Variants in PIK3C3 observed in about 807,000 individuals in gnomAD.
PIK3C3 encodes the protein PI3-kinase type 3.
Under a neutral mutation model 126.1 loss-of-function variants are expected in PIK3C3, and 95 were observed. The observed-to-expected ratio is 0.75, with a 90% CI of 0.64 to 0.89. PIK3C3 has a LOEUF of 0.89. Ranked by LOEUF, PIK3C3 falls within the 40% of genes least tolerant of loss-of-function variation. PIK3C3 has a pLI of 0.00. For missense variants in PIK3C3, 829 were observed against 1,063.2 expected, an observed-to-expected ratio of 0.78 and a Z score of 3.06; for synonymous variants, 374 against 360.0, an observed-to-expected ratio of 1.04 and a Z score of -0.44.
intron 21 of PIK3C3, chr18:42,057,655 C>A: frequency 2.2e-6 from 1 of 456,636 alleles, no homozygotes. Flanking sequence ...ATTACTGTGA[C>A]ATGATTTTAG....
rs769506947 is a variant in PIK3C3, at chr18:41,962,479, A to G, written c.258-10A>G. The G allele has an allele frequency of 5.0e-6, 8 of 1,599,304 alleles. No homozygotes were observed. Among genetic ancestry groups the G allele is most frequent in the Non-Finnish European group, 6.8e-6 (8 of 1,172,544 alleles). ...TGTATTTCTGATTTATGTTAACTTCATTTCCATAGCTGGAATGAATGGCTG... is the reference window on the plus strand; with the variant it reads ...TGTATTTCTGATTTATGTTAACTTCGTTTCCATAGCTGGAATGAATGGCTG... On this transcript the variant is annotated splice_polypyrimidine_tract_variant and intron_variant, in intron 2 of 24. Coordinates refer to ENST00000262039, the MANE Select transcript of PIK3C3 (RefSeq NM_002647.4).
intron 4 of PIK3C3, among the ~76,000 whole-genome samples, chr18:41,981,976 C>T (rs1787172): frequency 1.3e-5 from 2 of 151,282 alleles, no homozygotes; most frequent in Non-Finnish European, 1.5e-5. Context: ...AGAGTGAGAC[C>T]CTGTCTCAAA....
intron 24 of PIK3C3, among the ~76,000 whole-genome samples, chr18:42,073,341 C>T (rs1985855014): frequency 6.6e-6 from 1 of 152,144 alleles, no homozygotes; most frequent in Non-Finnish European, 1.5e-5. Flanking sequence ...GGGAATTCAA[C>T]TGTGATATAT....
intron 22 of PIK3C3, among the ~76,000 whole-genome samples, chr18:42,063,343 A>G (rs1223723664): frequency 6.6e-6 from 1 of 152,230 alleles, no homozygotes; most frequent in Non-Finnish European, 1.5e-5. Context: ...AGTGCCTACA[A>G]CAGTGGATAT....
At chr18:41,989,979 A>G (rs188319203) in intron 5 of PIK3C3, among the ~76,000 whole-genome samples, 23 of 152,280 alleles carry the variant, frequency 1.5e-4, no homozygotes, top group African/African-American at 5.3e-4. Flanking sequence ...TAAAGGCTAT[A>G]CTTGGTAAAC....
At chr18:42,012,527 A>T (rs986759132) in intron 10 of PIK3C3, among the ~76,000 whole-genome samples, 7 of 152,178 alleles carry the variant, frequency 4.6e-5, no homozygotes, top group Non-Finnish European at 8.8e-5. Context: ...ACATTTAAAA[A>T]TTTTTTGAGC....
intron 1 of PIK3C3, 65 bp from the exon 2 acceptor site, chr18:41,957,505 C>G: frequency 6.7e-7 from 1 of 1,482,878 alleles, no homozygotes; most frequent in Admixed American, 2.1e-5. Flanking sequence ...ATGCTTAGTA[C>G]TTATGTATAT....
At chr18:42,028,792 TTATAA>T (rs1156514838) in intron 14 of PIK3C3, among the ~76,000 whole-genome samples, 2 of 152,230 alleles carry the variant, frequency 1.3e-5, no homozygotes, top group African/African-American at 4.8e-5. Flanking sequence ...GAAATGTATT[TTATAA>T]TATTTTATGA....
At chr18:42,070,095 C>T (rs1985713336) in intron 24 of PIK3C3, among the ~76,000 whole-genome samples, 1 of 152,192 alleles carries the variant, frequency 6.6e-6, no homozygotes. Flanking sequence ...TGGACTATCT[C>T]TCTCCACTTC....
intron 21 of PIK3C3, chr18:42,052,706 G>T (rs923203379): frequency 2.6e-5 from 4 of 152,118 alleles, no homozygotes; most frequent in African/African-American, 9.7e-5. Flanking sequence ...GTTATAAATA[G>T]ACTTTGTATA....
At chr18:41,956,752 G>A (rs1979797331) in intron 1 of PIK3C3, among the ~76,000 whole-genome samples, 1 of 151,992 alleles carries the variant, frequency 6.6e-6, no homozygotes, top group African/African-American at 2.4e-5. Flanking sequence ...GAAGAATATT[G>A]GCTTTGGCCT....
intron 6 of PIK3C3, 96 bp from the exon 7 acceptor site, chr18:41,993,174 A>T (rs1981861627): frequency 1.6e-6 from 1 of 625,690 alleles, no homozygotes; most frequent in East Asian, 2.9e-5. Context: ...AATGATGTTC[A>T]TCAAATAGAA....
chr18:42,060,473 A>C lies in PIK3C3; in HGVS notation c.2432+2422A>C, dbSNP rs137936005. Reference sequence around the variant, plus strand: ...TGGTAAAAATTTTCAATAGTGAAATAAGGAATACATTTACCAGCTGGGCAC... The same window carrying C: ...TGGTAAAAATTTTCAATAGTGAAATCAGGAATACATTTACCAGCTGGGCAC... On this transcript the variant is annotated intron_variant, in intron 22 of 24. Transcript: ENST00000262039. Among the ~76,000 whole-genome samples, 509 of 152,288 alleles carry C rather than the reference A, an allele frequency of 3.3e-3. 1 individual carries two copies. The highest frequency in any genetic ancestry group is 0.012 in the African/African-American group (485 of 41,554).
intron 15 of PIK3C3, among the ~76,000 whole-genome samples, chr18:42,031,054 A>T (rs1223312671): frequency 6.6e-6 from 1 of 152,234 alleles, no homozygotes; most frequent in Non-Finnish European, 1.5e-5. Flanking sequence ...TTTTATCATG[A>T]TATGGTAAAA....
At chr18:41,990,801 G>A (rs1341747712) in intron 6 of PIK3C3, among the ~76,000 whole-genome samples, 2 of 152,142 alleles carry the variant, frequency 1.3e-5, no homozygotes, top group East Asian at 1.9e-4. Context: ...TAAAAACTTT[G>A]TGATTAATTG....
chr18:42,026,691 C>T (rs936735233), intron 13 of PIK3C3: 1 of 152,136 alleles, frequency 6.6e-6, no homozygotes, highest in Non-Finnish European at 1.5e-5. Context: ...CCTTCCTAGG[C>T]CTCCCAAAAC....
intron 2 of PIK3C3, among the ~76,000 whole-genome samples, chr18:41,960,227 C>G (rs1980009875): frequency 1.3e-5 from 2 of 152,190 alleles, no homozygotes; most frequent in East Asian, 3.8e-4. Flanking sequence ...ATGAGGGACA[C>G]TTGTACTTCC....
rs1483483386 is a variant in PIK3C3, at chr18:42,057,885, A to G, written c.2266A>G (p.Lys756Glu). Residue 756 changes from lysine (K) to glutamate (E), a missense_variant and splice_region_variant, in exon 22 of 25, where the codon AAA (lysine) becomes GAA (glutamate). Around this residue, in one of 4 missense-constraint regions of PIK3C3, gnomAD observed 196 missense variants for 312.8 expected, o/e 0.63. Coordinates refer to ENST00000262039, the MANE Select transcript of PIK3C3 (RefSeq NM_002647.4). ...LDNLLLTKTG[K>E]LFHIDFGYIL... Reference sequence around the variant, plus strand: ...ATGAGTTTCTTGTCAACATCCAGGCAAACTCTTCCACATAGACTTTGGATA... The same window carrying G: ...ATGAGTTTCTTGTCAACATCCAGGCGAACTCTTCCACATAGACTTTGGATA... 2 of 1,613,424 alleles carry G rather than the reference A, an allele frequency of 1.2e-6. No homozygotes were observed. The highest frequency in any genetic ancestry group is 1.7e-6 in the Non-Finnish European group (2 of 1,179,658).
intron 2 of PIK3C3, among the ~76,000 whole-genome samples, chr18:41,959,776 A>G (rs553504383): frequency 1.3e-5 from 2 of 152,300 alleles, no homozygotes; most frequent in South Asian, 4.2e-4. Context: ...CCTGGGCAAC[A>G]GAACGAGACT....
Sources: gnomAD v4.1 joint callset for allele counts (sites outside exome capture counted in the v4.1 genomes callset) on GRCh38, gnomAD v4.1.1 for gene constraint, gnomAD v4.1.1 regional missense constraint, MANE v1.5 for transcripts, NCBI Gene and HGNC (gene_info 2026-07-23, HGNC 2026-07-21) for gene names.